The following NPTN variants were observed in gnomAD, a reference collection of about 807,000 sequenced individuals.
NPTN encodes neuroplastin.
In NPTN, 5 loss-of-function variants were observed where a neutral mutation model predicts 42.7. The observed-to-expected ratio is 0.12, with a 90% confidence interval of 0.06 to 0.25. The LOEUF (loss-of-function observed/expected upper bound fraction) is 0.25, where lower values mean the gene tolerates loss of function less well. Among genes scored for constraint, NPTN ranks in the 10% least tolerant of loss-of-function variants. The pLI is 1.00. For synonymous variants in NPTN, 180 were observed against 201.9 expected (o/e 0.89, Z 0.92); for missense variants, 307 against 525.4 (o/e 0.58, Z 4.06).
chr15:73,589,963 T>G (rs1896506229), intron 3 of NPTN, among the ~76,000 whole-genome samples: 1 of 151,670 alleles, frequency 6.6e-6, no homozygotes, highest in Admixed American at 6.5e-5. Flanking sequence ...AAACTGAAGT[T>G]CTTTGAGTCC....
intron 1 of NPTN, among the ~76,000 whole-genome samples, chr15:73,606,860 G>A (rs1175694695): frequency 1.3e-5 from 2 of 152,144 alleles, no homozygotes; most frequent in Non-Finnish European, 2.9e-5. Context: ...GCCCATCTGT[G>A]AACTTCCTTG....
chr15:73,585,494 T>C (rs77972007), intron 4 of NPTN, among the ~76,000 whole-genome samples: 2,147 of 152,356 alleles, frequency 0.014, 17 homozygotes, highest in Non-Finnish European at 0.019. Context: ...CCTGGGCCTA[T>C]GGCAAACCTT....
intron 5 of NPTN, 83 bp downstream of exon 5, chr15:73,573,579 C>T: frequency 1.4e-6 from 2 of 1,411,420 alleles, no homozygotes; most frequent in Non-Finnish European, 1.9e-6. Flanking sequence ...GAGGATACAG[C>T]TACTACAGTA....
At chr15:73,620,958 T>G (rs1367120588) in intron 1 of NPTN, among the ~76,000 whole-genome samples, 1 of 152,254 alleles carries the variant, frequency 6.6e-6, no homozygotes. Context: ...TTACTTACCC[T>G]TATTTTCTCC....
chr15:73,615,864 C>G (rs928817701), intron 1 of NPTN, among the ~76,000 whole-genome samples: 2 of 151,964 alleles, frequency 1.3e-5, no homozygotes, highest in Non-Finnish European at 2.9e-5. Context: ...TTCTTCCCAC[C>G]AAGAAGAGAT....
chr15:73,573,539 G>C (rs1216554938), intron 5 of NPTN, 123 bp downstream of exon 5: 6 of 1,125,322 alleles, frequency 5.3e-6, no homozygotes, highest in Non-Finnish European at 2.5e-6. Context: ...CGTGACTCTA[G>C]AAAGGGTGAC....
At chr15:73,603,780 AT>A (rs1471339953) in intron 1 of NPTN, among the ~76,000 whole-genome samples, 7 of 152,240 alleles carry the variant, frequency 4.6e-5, no homozygotes, top group Non-Finnish European at 8.8e-5. Flanking sequence ...AATTTACAAA[AT>A]ATAAGATGTA....
At chr15:73,573,113 T>C (rs529016487) in intron 5 of NPTN, among the ~76,000 whole-genome samples, 40 of 152,236 alleles carry the variant, frequency 2.6e-4, no homozygotes, top group Middle Eastern at 3.4e-3. Context: ...GTCTAAAAAA[T>C]AGGTAAGTTT....
At chr15:73,603,858 G>A (rs941221373) in intron 1 of NPTN, among the ~76,000 whole-genome samples, 1 of 152,202 alleles carries the variant, frequency 6.6e-6, no homozygotes, top group Non-Finnish European at 1.5e-5. Flanking sequence ...CAGGTTTTGA[G>A]TCAGCACCTC....
intron 6 of NPTN, among the ~76,000 whole-genome samples, chr15:73,566,017 G>T (rs1894977962): frequency 6.6e-6 from 1 of 152,150 alleles, no homozygotes; most frequent in African/African-American, 2.4e-5. Flanking sequence ...AAGGTTTTAT[G>T]GTTTCTAAAT....
At chr15:73,610,256 T>A (rs1897511251) in intron 1 of NPTN, among the ~76,000 whole-genome samples, 1 of 151,968 alleles carries the variant, frequency 6.6e-6, no homozygotes, top group Non-Finnish European at 1.5e-5. Flanking sequence ...CCAGCTAAGT[T>A]TTTTAGTTTT....
chr15:73,613,725 G>A (rs1019068996), intron 1 of NPTN, among the ~76,000 whole-genome samples: 9 of 151,932 alleles, frequency 5.9e-5, no homozygotes, highest in East Asian at 3.9e-4. Context: ...TCGCTCTGTC[G>A]CCCAGGATGG....
intron 1 of NPTN, among the ~76,000 whole-genome samples, chr15:73,606,531 T>G (rs1897302922): frequency 6.6e-6 from 1 of 152,110 alleles, no homozygotes; most frequent in East Asian, 1.9e-4. Context: ...TAATGAAAGG[T>G]CTGGTTCAAA....
intron 4 of NPTN, among the ~76,000 whole-genome samples, chr15:73,581,344 C>T (rs1032787549): frequency 2.6e-5 from 4 of 152,146 alleles, no homozygotes; most frequent in Admixed American, 6.5e-5. Context: ...AGAGACAATA[C>T]TCTGTGCTTC....
intron 1 of NPTN, among the ~76,000 whole-genome samples, chr15:73,602,207 TTCTC>T (rs1161287753): frequency 1.3e-5 from 2 of 152,126 alleles, no homozygotes; most frequent in African/African-American, 4.8e-5. Context: ...CAGACTAACT[TTCTC>T]TCTCCCTCAA....
intron 7 of NPTN, among the ~76,000 whole-genome samples, chr15:73,562,989 GAAAAA>G (rs200404677): frequency 2.1e-5 from 3 of 142,872 alleles, no homozygotes; most frequent in Non-Finnish European, 4.6e-5. Context: ...CACAAAATTT[GAAAAA>G]AAAAAAAGTT....
At chr15:73,625,128 C>T (rs1055760523) in intron 1 of NPTN, among the ~76,000 whole-genome samples, 1 of 152,166 alleles carries the variant, frequency 6.6e-6, no homozygotes, top group African/African-American at 2.4e-5. Flanking sequence ...CCAAACTACT[C>T]CATACCTGAA....
chr15:73,580,330 C>G (rs1046191857), intron 4 of NPTN, among the ~76,000 whole-genome samples: 2 of 148,250 alleles, frequency 1.3e-5, no homozygotes, highest in Admixed American at 6.8e-5. Flanking sequence ...CACAAGTATA[C>G]CTATGTAACA....
At chr15:73,614,083 A>G (rs571989618) in intron 1 of NPTN, among the ~76,000 whole-genome samples, 169 of 151,960 alleles carry the variant, frequency 1.1e-3, no homozygotes, top group Non-Finnish European at 1.9e-3. Flanking sequence ...AGGCTGGCGC[A>G]GGTAGATCAC....
Sources: gnomAD v4.1 joint callset for allele counts (sites outside exome capture counted in the v4.1 genomes callset) on GRCh38, gnomAD v4.1.1 for gene constraint, MANE v1.5 for transcripts, NCBI Gene and HGNC (gene_info 2026-07-23, HGNC 2026-07-21) for gene names.